The following DYNLL1 variants were observed in gnomAD, a reference collection of about 807,000 sequenced individuals.
DYNLL1 encodes dynein light chain 1, cytoplasmic.
A neutral mutation model predicts 10.1 loss-of-function variants in DYNLL1; 3 were observed. That is an observed-to-expected ratio of 0.30 (90% CI 0.14 to 0.77). The LOEUF (loss-of-function observed/expected upper bound fraction) is 0.77. Among genes scored for constraint, DYNLL1 ranks in the 30% least tolerant of loss-of-function variants. DYNLL1 has a pLI of 0.66. For synonymous variants in DYNLL1, 46 were observed against 41.2 expected (o/e 1.12, Z -0.45); for missense variants, 47 against 111.7 (o/e 0.42, Z 2.61).
chr12:120,478,706 G>A (rs1164208529), intron 1 of DYNLL1, among the ~76,000 whole-genome samples: 1 of 149,354 alleles, frequency 6.7e-6, no homozygotes, highest in South Asian at 2.2e-4. Flanking sequence ...TTTTTTATGA[G>A]ATGGAGTCTC....
chr12:120,480,429 C>A (rs1878856306), intron 1 of DYNLL1, among the ~76,000 whole-genome samples: 1 of 152,152 alleles, frequency 6.6e-6, no homozygotes, highest in Admixed American at 6.5e-5. Flanking sequence ...ATCTCCACAC[C>A]CTCACCTTGG....
At chr12:120,491,348 C>T (rs1879122624), upstream of DYNLL1, 1 of 104,852 alleles carries the variant, frequency 9.5e-6, no homozygotes, top group Non-Finnish European at 2.1e-5. Context: ...ACTGCCAGCC[C>T]CAGGCTGGTG....
chr12:120,481,591 G>A (rs1044291291), intron 1 of DYNLL1, among the ~76,000 whole-genome samples: 8 of 152,168 alleles, frequency 5.3e-5, no homozygotes, highest in African/African-American at 1.4e-4. Context: ...GGCATGGGGC[G>A]GGGCACAGCA....
chr12:120,485,712 G>A (rs987846970), intron 1 of DYNLL1, among the ~76,000 whole-genome samples: 4 of 151,682 alleles, frequency 2.6e-5, no homozygotes, highest in Non-Finnish European at 2.9e-5. Flanking sequence ...GTGGTGGTGT[G>A]CACCTGTGAT....
chr12:120,476,936 G>GTT (rs551127196), intron 1 of DYNLL1, among the ~76,000 whole-genome samples: 22 of 143,650 alleles, frequency 1.5e-4, no homozygotes, highest in African/African-American at 1.8e-4. Context: ...TGTTTTTTTT[G>GTT]TTTTTTTTTT....
intron 1 of DYNLL1, among the ~76,000 whole-genome samples, chr12:120,473,278 C>T (rs1878687389): frequency 6.6e-6 from 1 of 152,064 alleles, no homozygotes; most frequent in African/African-American, 2.4e-5. Context: ...AAAATGAGGG[C>T]ATGACTGCTG....
At chr12:120,497,757 G>T in intron 2 of DYNLL1, 1 of 266,900 alleles carries the variant, frequency 3.7e-6, no homozygotes. Flanking sequence ...TACACCTGTT[G>T]ATGTCACCGT....
chr12:120,487,871 G>A (rs1879033220), intron 1 of DYNLL1, among the ~76,000 whole-genome samples: 1 of 152,162 alleles, frequency 6.6e-6, no homozygotes, highest in South Asian at 2.1e-4. Flanking sequence ...AATACTTGAA[G>A]TCACTGGTTA....
At chr12:120,483,667 G>A (rs1376643566) in intron 1 of DYNLL1, among the ~76,000 whole-genome samples, 3 of 152,076 alleles carry the variant, frequency 2.0e-5, no homozygotes, top group African/African-American at 7.2e-5. Context: ...GGCATTCAGG[G>A]GCAAAGTTTG....
At chr12:120,497,360 T>C (rs1300808315) in intron 2 of DYNLL1, 5 of 152,646 alleles carry the variant, frequency 3.3e-5, no homozygotes, top group South Asian at 2.1e-4. Context: ...GTGGGAGAAA[T>C]GGTGAAGAGT....
intron 1 of DYNLL1, among the ~76,000 whole-genome samples, chr12:120,476,269 A>G (rs1878748996): frequency 6.6e-6 from 1 of 151,846 alleles, no homozygotes; most frequent in Non-Finnish European, 1.5e-5. Flanking sequence ...AGGCAAATAC[A>G]TTCCTTAAAG....
intron 1 of DYNLL1, among the ~76,000 whole-genome samples, chr12:120,487,957 T>A (rs1488973589): frequency 6.6e-6 from 1 of 152,112 alleles, no homozygotes; most frequent in Non-Finnish European, 1.5e-5. Context: ...GTTGAGGGAG[T>A]ACTGGGAGAA....
chr12:120,493,404 G>A (rs889213764), upstream of DYNLL1, among the ~76,000 whole-genome samples: 1 of 151,722 alleles, frequency 6.6e-6, no homozygotes, highest in African/African-American at 2.4e-5. Flanking sequence ...GGGCATGGTG[G>A]TGTGCACCTG....
At chr12:120,484,740 CTT>C (rs34764295) in intron 1 of DYNLL1, among the ~76,000 whole-genome samples, 6 of 141,408 alleles carry the variant, frequency 4.2e-5, no homozygotes, top group Admixed American at 7.1e-5. Flanking sequence ...TATGCATGGA[CTT>C]TTTTTTTTTT....
intron 1 of DYNLL1, among the ~76,000 whole-genome samples, chr12:120,476,533 C>T (rs1276835762): frequency 6.6e-6 from 1 of 152,182 alleles, no homozygotes; most frequent in Non-Finnish European, 1.5e-5. Flanking sequence ...GTAATTCCAT[C>T]CTTCTCATGG....
At chr12:120,473,560 T>C (rs1878692190) in intron 1 of DYNLL1, among the ~76,000 whole-genome samples, 1 of 150,964 alleles carries the variant, frequency 6.6e-6, no homozygotes, top group Non-Finnish European at 1.5e-5. Context: ...TCGGAGGTGG[T>C]GGCGCACACC....
chr12:120,486,999 C>G (rs1044575274), intron 1 of DYNLL1, among the ~76,000 whole-genome samples: 7 of 140,566 alleles, frequency 5.0e-5, no homozygotes, highest in African/African-American at 1.1e-4. Flanking sequence ...TTTTGAGATG[C>G]AGTCTCGCTC....
chr12:120,498,363 C>T lies in DYNLL1; in HGVS notation c.*153C>T. 2 of 879,184 alleles carry T rather than the reference C, an allele frequency of 2.3e-6. No homozygotes were observed. The highest frequency in any genetic ancestry group is 3.5e-5 in the Admixed American group (1 of 28,808). The allele number at this position is 879,184 out of a possible 1,614,324, so 54.5% of individuals were successfully genotyped here. ...TGTTTTGTACAGGGCATTCTCTGTA[C>T]TAGTTTGTCGTGGTTATAAAACAAT... On this transcript the variant is annotated 3_prime_UTR_variant, in exon 3 of 3. Transcript: ENST00000242577.
At chr12:120,479,466 A>AAT (rs1878834939) in intron 1 of DYNLL1, among the ~76,000 whole-genome samples, 2 of 125,026 alleles carry the variant, frequency 1.6e-5, no homozygotes, top group African/African-American at 5.6e-5. Context: ...AAAAAAAAAA[A>AAT]AAAATAATAA....
Sources: gnomAD v4.1 joint callset for allele counts (sites outside exome capture counted in the v4.1 genomes callset) on GRCh38, gnomAD v4.1.1 for gene constraint, MANE v1.5 for transcripts, NCBI Gene and HGNC (gene_info 2026-07-23, HGNC 2026-07-21) for gene names.